Variants in DRC9 observed in about 807,000 individuals in gnomAD.
The protein encoded by DRC9 is dynein regulatory complex subunit 9.
chr3:197,916,902 CA>C, the DRC9 span, among the ~76,000 whole-genome samples: 1 of 150,886 alleles, frequency 6.6e-6, no homozygotes, highest in Non-Finnish European at 1.5e-5. Flanking sequence ...AAAAATCACA[CA>C]AAAAAATCTC....
the DRC9 span, chr3:197,891,582 C>T: frequency 1.6e-6 from 2 of 1,224,588 alleles, no homozygotes; most frequent in Admixed American, 1.7e-5. Flanking sequence ...TATTATAGTA[C>T]TCTCTTGGCT....
At chr3:197,938,732 TTGGAAGTTTG>T in the DRC9 span, 1 of 1,614,082 alleles carries the variant, frequency 6.2e-7, no homozygotes, top group Non-Finnish European at 8.5e-7. Context: ...GTTGAGGCCA[TTGGAAGTTTG>T]TCTAGATTCG....
the DRC9 span, among the ~76,000 whole-genome samples, chr3:197,895,974 C>CAAAAAAAAA: frequency 1.1e-3 from 64 of 58,964 alleles, no homozygotes; most frequent in African/African-American, 4.0e-3. Flanking sequence ...GACCCTGTCT[C>CAAAAAAAAA]AAAAAAAAAA....
At chr3:197,924,119 G>A in the DRC9 span, among the ~76,000 whole-genome samples, 1 of 152,016 alleles carries the variant, frequency 6.6e-6, no homozygotes, top group Non-Finnish European at 1.5e-5. Flanking sequence ...ATTTTGGGAG[G>A]ACGAGATGGG....
chr3:197,930,152 C>T, the DRC9 span, among the ~76,000 whole-genome samples: 11 of 150,922 alleles, frequency 7.3e-5, no homozygotes, highest in Non-Finnish European at 1.0e-4. Context: ...CTCAGGAGTT[C>T]GAGACCAGCC....
the DRC9 span, chr3:197,889,592 G>A: frequency 2.5e-6 from 4 of 1,614,098 alleles, no homozygotes; most frequent in East Asian, 8.9e-5. Flanking sequence ...ACTTCTTCTT[G>A]CCTCTCCTCT....
the DRC9 span, among the ~76,000 whole-genome samples, chr3:197,928,351 T>G: frequency 6.6e-6 from 1 of 150,976 alleles, no homozygotes; most frequent in African/African-American, 2.4e-5. Flanking sequence ...CTTTTTTTTT[T>G]TTTTTTTGTT....
chr3:197,927,060 C>T, the DRC9 span, among the ~76,000 whole-genome samples: 1 of 152,130 alleles, frequency 6.6e-6, no homozygotes, highest in Non-Finnish European at 1.5e-5. Context: ...TCTCAATCTA[C>T]TCTGAGAAAC....
the DRC9 span, among the ~76,000 whole-genome samples, chr3:197,933,766 G>C: frequency 6.6e-6 from 1 of 151,794 alleles, no homozygotes; most frequent in Non-Finnish European, 1.5e-5. Flanking sequence ...TTATGTGTTT[G>C]TGTGTTTTAT....
At chr3:197,907,783 T>C in the DRC9 span, among the ~76,000 whole-genome samples, 1 of 149,978 alleles carries the variant, frequency 6.7e-6, no homozygotes, top group East Asian at 2.0e-4. Flanking sequence ...AGAGCAACCC[T>C]TTCCAAGGCA....
At chr3:197,952,315 G>A in the DRC9 span, among the ~76,000 whole-genome samples, 2 of 151,102 alleles carry the variant, frequency 1.3e-5, no homozygotes, top group South Asian at 4.2e-4. Context: ...GATTACAGGC[G>A]GCCGCCACCA....
chr3:197,951,536 A>G, the DRC9 span: 1 of 522,106 alleles, frequency 1.9e-6, no homozygotes, highest in Non-Finnish European at 3.4e-6. Context: ...TATTATTAGT[A>G]GAGACAGGGT....
chr3:197,937,211 C>A, the DRC9 span, among the ~76,000 whole-genome samples: 2,828 of 152,248 alleles, frequency 0.019, 50 homozygotes, highest in Non-Finnish European at 0.03. Flanking sequence ...AATGTTACAC[C>A]CTCTTAACAG....
At chr3:197,889,778 A>C in the DRC9 span, 1 of 1,577,318 alleles carries the variant, frequency 6.3e-7, no homozygotes, top group Non-Finnish European at 8.7e-7. Context: ...TTCTTTCCAC[A>C]TAAAGGGACT....
At chr3:197,950,749 T>G in the DRC9 span, 1 of 611,158 alleles carries the variant, frequency 1.6e-6, no homozygotes. Flanking sequence ...AGATACCAGC[T>G]GTTCTCTGAG....
At chr3:197,931,040 GA>G in the DRC9 span, among the ~76,000 whole-genome samples, 537 of 128,604 alleles carry the variant, frequency 4.2e-3, 4 homozygotes, top group Middle Eastern at 0.016. Context: ...CTCAAAAAAA[GA>G]AAAAAAAAAG....
chr3:197,955,479 G>A, the DRC9 span, among the ~76,000 whole-genome samples: 2 of 151,996 alleles, frequency 1.3e-5, no homozygotes. Context: ...GGCCAGGATG[G>A]TCTCTATCTC....
the DRC9 span, chr3:197,951,513 C>T: frequency 8.3e-5 from 48 of 575,648 alleles, no homozygotes; most frequent in African/African-American, 2.1e-4. Flanking sequence ...CCACCACGCC[C>T]GGCTAGTTTT....
the DRC9 span, among the ~76,000 whole-genome samples, chr3:197,899,455 G>T: frequency 1.3e-5 from 2 of 152,160 alleles, no homozygotes; most frequent in Non-Finnish European, 2.9e-5. Flanking sequence ...GGCTGTGGCG[G>T]CAGGTACCTA....
Sources: allele counts gnomAD v4.1 joint callset (sites outside exome capture counted in the v4.1 genomes callset), GRCh38; gene constraint gnomAD v4.1.1; transcripts MANE v1.5; gene names NCBI Gene and HGNC (gene_info 2026-07-23, HGNC 2026-07-21).